GPR39: variants seen among roughly 807,000 people sequenced by gnomAD.
GPR39 encodes zinc sensing receptor.
Under a neutral mutation model 18.4 loss-of-function variants are expected in GPR39, and 23 were observed. That is an observed-to-expected ratio of 1.25 (90% CI 0.90 to 1.77). GPR39 has a LOEUF of 1.77. Among genes scored for constraint, GPR39 ranks in the 40% most tolerant of loss-of-function variants. The pLI is 0.00. For synonymous variants in GPR39, 280 were observed against 257.9 expected (o/e 1.09, Z -0.82); for missense variants, 647 against 602.4 (o/e 1.07, Z -0.78).
intron 1 of GPR39, among the ~76,000 whole-genome samples, chr2:132,472,764 C>T (rs921408459): frequency 6.6e-6 from 1 of 152,128 alleles, no homozygotes; most frequent in Non-Finnish European, 1.5e-5. Flanking sequence ...TGACTACACG[C>T]ACTTGGCCTT....
intron 1 of GPR39, among the ~76,000 whole-genome samples, chr2:132,490,584 CCGATCGCT>C (rs1036600918): frequency 6.6e-6 from 1 of 151,902 alleles, no homozygotes; most frequent in Non-Finnish European, 1.5e-5. Context: ...CTAGAGCATG[CCGATCGCT>C]GGTGAATGCT....
intron 1 of GPR39, among the ~76,000 whole-genome samples, chr2:132,485,062 G>T (rs1175684480): frequency 1.3e-5 from 2 of 152,194 alleles, no homozygotes; most frequent in Admixed American, 6.5e-5. Flanking sequence ...TCAGATACAG[G>T]CATACCTTGG....
At chr2:132,542,852 C>T (rs1229718951) in intron 1 of GPR39, among the ~76,000 whole-genome samples, 2 of 152,136 alleles carry the variant, frequency 1.3e-5, no homozygotes, top group Admixed American at 6.5e-5. Context: ...CACAAGACTA[C>T]CCAGTTAGAG....
chr2:132,539,703 A>T (rs1398763291), intron 1 of GPR39, among the ~76,000 whole-genome samples: 1 of 152,110 alleles, frequency 6.6e-6, no homozygotes, highest in African/African-American at 2.4e-5. Flanking sequence ...ATGGGAACTT[A>T]GCTGGAGTGG....
At chr2:132,486,842 T>C (rs1681349840) in intron 1 of GPR39, among the ~76,000 whole-genome samples, 3 of 152,256 alleles carry the variant, frequency 2.0e-5, no homozygotes, top group African/African-American at 7.2e-5. Context: ...AGTTTTAATT[T>C]TCTTCAAGAA....
chr2:132,466,544 C>A (rs1047131740), intron 1 of GPR39, among the ~76,000 whole-genome samples: 1 of 152,126 alleles, frequency 6.6e-6, no homozygotes, highest in African/African-American at 2.4e-5. Flanking sequence ...AAATCTCTGG[C>A]AAGTCAGGCT....
At chr2:132,582,915 C>CTTTTTTTT (rs5834320) in intron 1 of GPR39, among the ~76,000 whole-genome samples, 64 of 101,510 alleles carry the variant, frequency 6.3e-4, no homozygotes, top group Admixed American at 7.5e-4. Flanking sequence ...TTCTTTCTTT[C>CTTTTTTTT]TTTTTTTTTT....
chr2:132,578,508 T>TG (rs895990908), intron 1 of GPR39, among the ~76,000 whole-genome samples: 1 of 152,026 alleles, frequency 6.6e-6, no homozygotes, highest in African/African-American at 2.4e-5. Context: ...TGGATTTTGG[T>TG]GGGGGGAGAT....
chr2:132,597,356 TC>T (rs1055742358), intron 1 of GPR39, among the ~76,000 whole-genome samples: 1 of 152,238 alleles, frequency 6.6e-6, no homozygotes, highest in African/African-American at 2.4e-5. Flanking sequence ...TCTGAGCTTC[TC>T]CCTGGCTCTG....
At chr2:132,463,424 CTT>C (rs552814465) in intron 1 of GPR39, among the ~76,000 whole-genome samples, 26 of 133,776 alleles carry the variant, frequency 1.9e-4, no homozygotes, top group Admixed American at 2.3e-4. Flanking sequence ...AGAGTCGGGT[CTT>C]TTTTTTTTTT....
chr2:132,497,752 C>A (rs1276905287), intron 1 of GPR39, among the ~76,000 whole-genome samples: 1 of 152,166 alleles, frequency 6.6e-6, no homozygotes, highest in Non-Finnish European at 1.5e-5. Context: ...GCAGCTCAAA[C>A]AAATCTTAGC....
chr2:132,567,250 A>G (rs1680365026), intron 1 of GPR39, among the ~76,000 whole-genome samples: 1 of 152,128 alleles, frequency 6.6e-6, no homozygotes, highest in Non-Finnish European at 1.5e-5. Context: ...TGAACCCGGG[A>G]GGTGGAGGTT....
chr2:132,545,805 T>G (rs1679938310), intron 1 of GPR39, among the ~76,000 whole-genome samples: 1 of 152,100 alleles, frequency 6.6e-6, no homozygotes, highest in Non-Finnish European at 1.5e-5. Context: ...GATTCTGCAT[T>G]TCTAACAAGC....
chr2:132,505,211 C>T (rs4493318), intron 1 of GPR39, among the ~76,000 whole-genome samples: 119,522 of 152,132 alleles, frequency 0.79, 48,412 homozygotes, highest in Middle Eastern at 0.88. Context: ...GGTGAGAGGC[C>T]GAGTCTGCTA....
intron 1 of GPR39, among the ~76,000 whole-genome samples, chr2:132,604,244 A>G (rs539604810): frequency 2.0e-4 from 31 of 152,222 alleles, no homozygotes; most frequent in Non-Finnish European, 4.1e-4. Context: ...TCAGCAGGCA[A>G]CTCATATCTG....
intron 1 of GPR39, among the ~76,000 whole-genome samples, chr2:132,503,979 G>A (rs1679089457): frequency 6.6e-6 from 1 of 152,196 alleles, no homozygotes; most frequent in Non-Finnish European, 1.5e-5. Flanking sequence ...TCTATTTCCA[G>A]GCAGCTGATG....
intron 1 of GPR39, among the ~76,000 whole-genome samples, chr2:132,626,045 A>C (rs1681538890): frequency 6.6e-6 from 1 of 151,774 alleles, no homozygotes; most frequent in Non-Finnish European, 1.5e-5. Flanking sequence ...GGTTGCAGTG[A>C]GCCGAGACCG....
At chr2:132,473,738 A>G (rs1681074591) in intron 1 of GPR39, among the ~76,000 whole-genome samples, 1 of 152,200 alleles carries the variant, frequency 6.6e-6, no homozygotes, top group Non-Finnish European at 1.5e-5. Flanking sequence ...TGCAGAGGCC[A>G]CAGATGAATT....
intron 1 of GPR39, among the ~76,000 whole-genome samples, chr2:132,436,534 T>C (rs1680321880): frequency 6.6e-6 from 1 of 152,142 alleles, no homozygotes; most frequent in African/African-American, 2.4e-5. Flanking sequence ...ATAATAATAA[T>C]GAGAACGTTA....
Sources: allele counts gnomAD v4.1 joint callset (sites outside exome capture counted in the v4.1 genomes callset), GRCh38; gene constraint gnomAD v4.1.1; transcripts MANE v1.5; gene names NCBI Gene and HGNC (gene_info 2026-07-23, HGNC 2026-07-21).